ABCG1: variants seen among roughly 807,000 people sequenced by gnomAD.
ABCG1 encodes ATP binding cassette subfamily G member 1, also known as ATP-binding cassette sub-family G member 1.
Under a neutral mutation model 69.2 loss-of-function variants are expected in ABCG1, and 29 were observed. The observed-to-expected ratio is 0.42, with a 90% CI of 0.31 to 0.57. ABCG1 has a LOEUF of 0.57. ABCG1 is among the 20% of genes least tolerant of loss of function. The pLI, the probability that ABCG1 is intolerant of heterozygous loss-of-function variation, is 0.15. For synonymous variants in ABCG1, 370 were observed against 374.8 expected (o/e 0.99, Z 0.15); for missense variants, 718 against 898.1 (o/e 0.80, Z 2.56).
Position 42,273,273 on chromosome 21 carries a change from T to A in ABCG1, c.405-30T>A. The A allele has an allele frequency of 6.3e-7, 1 of 1,597,236 alleles. No individual in the cohort carries two copies. The highest frequency in any genetic ancestry group is 2.3e-5 in the East Asian group (1 of 44,378). Reference sequence around the variant, plus strand: ...GGTGGAGGAGGAGCAGGAGCCCGGCTGACGGCTTCTCCTGTCCTTGGTTCT... The same window carrying A: ...GGTGGAGGAGGAGCAGGAGCCCGGCAGACGGCTTCTCCTGTCCTTGGTTCT... On this transcript the variant is annotated intron_variant, in intron 3 of 14. Transcript: ENST00000398449. This position sits in a 1 kb window ranked among gnomAD's most constrained non-coding sequence, Gnocchi z 5.3.
chr21:42,211,271 T>G (rs956710615), upstream of ABCG1, among the ~76,000 whole-genome samples: 3 of 152,130 alleles, frequency 2.0e-5, no homozygotes, highest in East Asian at 5.8e-4. Context: ...GCATTCCCAT[T>G]TCTTTCAAAT....
intron 5 of ABCG1, among the ~76,000 whole-genome samples, chr21:42,279,126 C>T (rs1482850970): frequency 6.6e-6 from 1 of 152,072 alleles, no homozygotes; most frequent in Non-Finnish European, 1.5e-5. Flanking sequence ...TCTCGGATAG[C>T]CCTCCATCGA....
At chr21:42,208,305 C>G (rs2067559723) in intron 2 of ABCG1, among the ~76,000 whole-genome samples, 1 of 150,746 alleles carries the variant, frequency 6.6e-6, no homozygotes, top group Non-Finnish European at 1.5e-5. Flanking sequence ...ACATATGATG[C>G]AAAACAAAAA....
chr21:42,220,644 T>A (rs181193934), intron 1 of ABCG1, among the ~76,000 whole-genome samples: 2 of 152,372 alleles, frequency 1.3e-5, no homozygotes, highest in Admixed American at 1.3e-4. Context: ...TGGGCTGCCC[T>A]GCCTTCCCTG....
chr21:42,291,565 G>T lies in ABCG1; in HGVS notation c.1562G>T (p.Arg521Leu). ...WMTSQPSDAV[R>L]FVLFAALGTM... ...ACGTCGCAGCCGTCCGACGCCGTGCGCTTTGTGCTGTTTGCCGCGCTGGGC... is the reference window on the plus strand; with the variant it reads ...ACGTCGCAGCCGTCCGACGCCGTGCTCTTTGTGCTGTTTGCCGCGCTGGGC... The change falls in exon 13 of 15, where the codon CGC (arginine) becomes CTC (leucine). Residue 521 changes from arginine to leucine, a missense_variant. By Grantham distance (102) the Arg-to-Leu change is moderately radical. This residue lies in a region of ABCG1 where 204 missense variants were observed against 323.8 expected (regional missense o/e 0.63). Transcript: ENST00000398449. The surrounding 1 kb of genome is among the most constrained non-coding windows in gnomAD (Gnocchi z 6.4). 5 of 1,613,384 alleles carry T rather than the reference G, an allele frequency of 3.1e-6. No individual in the cohort carries two copies. Among genetic ancestry groups the T allele is most frequent in the Non-Finnish European group, 4.2e-6 (5 of 1,179,918 alleles).
intron 2 of ABCG1, among the ~76,000 whole-genome samples, chr21:42,243,905 G>C (rs1053754784): frequency 7.7e-6 from 1 of 129,872 alleles, no homozygotes; most frequent in African/African-American, 2.9e-5. Flanking sequence ...TGCAAGCTCC[G>C]CCTCCCGGGT....
upstream of ABCG1, among the ~76,000 whole-genome samples, chr21:42,218,886 C>T (rs569492828): frequency 2.5e-3 from 380 of 152,306 alleles, 3 homozygotes; most frequent in African/African-American, 8.6e-3. Context: ...CAGCCTCACC[C>T]GTGCTGGCCC....
chr21:42,243,687 G>A (rs1183553765), intron 2 of ABCG1, among the ~76,000 whole-genome samples: 1 of 152,126 alleles, frequency 6.6e-6, no homozygotes, highest in African/African-American at 2.4e-5. Flanking sequence ...CGTGAGAGTG[G>A]AGAGGTTTTT....
intron 1 of ABCG1, among the ~76,000 whole-genome samples, chr21:42,224,891 T>C (rs1375635874): frequency 6.6e-6 from 1 of 152,106 alleles, no homozygotes; most frequent in Non-Finnish European, 1.5e-5. Context: ...TAAAAGCCAA[T>C]GGTAGCTACA....
In ABCG1 at chr21:42,219,140, G is replaced by A; in HGVS notation, c.-123G>A. 6.4e-6 allele frequency: 6 copies of A among 932,610 alleles called. No individual in the cohort carries two copies. The South Asian group carries it at 2.5e-4, about 38-fold the overall frequency. 57.8% of individuals were successfully genotyped at this position (932,610 alleles called of 1,614,324 possible). On this transcript the variant is annotated 5_prime_UTR_variant, in exon 1 of 15. Coordinates refer to ENST00000398449, the MANE Select transcript of ABCG1 (RefSeq NM_016818.3). This position sits in a 1 kb window ranked among gnomAD's most constrained non-coding sequence, Gnocchi z 5.3. ...CCAGAGCCGGAGCCGGATCCCAGCC[G>A]GAGCCCAAGCGCAGCCCGCACCCCG... is the stretch of plus-strand genomic sequence containing the variant.
In ABCG1 at chr21:42,273,715, TG is replaced by T. The variant is rs2068659699; in HGVS notation, c.537+283del. ...GAGAAGGTTATTAACCCGGCTGGCT[TG>T]GGTGATCCTCTCCAGGGCAGCCACC... is the stretch of plus-strand genomic sequence containing the variant. On this transcript the variant is annotated intron_variant, in intron 4 of 14. Coordinates refer to ENST00000398449, the MANE Select transcript of ABCG1 (RefSeq NM_016818.3). The surrounding 1 kb of genome is among the most constrained non-coding windows in gnomAD (Gnocchi z 5.3). Among the ~76,000 whole-genome samples, 2 of 152,170 alleles carry T rather than the reference TG, an allele frequency of 1.3e-5. No individual in the cohort carries two copies. The highest frequency in any genetic ancestry group is 4.8e-5 in the African/African-American group (2 of 41,442).
Position 42,288,260 on chromosome 21 carries a change from C to T in ABCG1, c.1172C>T (p.Thr391Met), listed in dbSNP as rs139448062. ...GCHSFSASCL[T>M]QFCILFKRTF... The stretch of plus-strand genomic sequence containing the variant: ...CACAGCTTCTCTGCCAGCTGCCTCA[C>T]GCAGTTCTGCATCCTCTTCAAGAGG... Residue 391 changes from threonine to methionine, a missense_variant, in exon 10 of 15, where the codon ACG becomes ATG. Coordinates refer to ENST00000398449, the MANE Select transcript of ABCG1 (RefSeq NM_016818.3). This position sits in a 1 kb window ranked among gnomAD's most constrained non-coding sequence, Gnocchi z 4.8. The T allele has an allele frequency of 2.8e-5, 46 of 1,614,184 alleles. No individual in the cohort carries two copies. Among genetic ancestry groups the T allele is most frequent in the Non-Finnish European group, 3.5e-5 (41 of 1,180,020 alleles).
rs115605747 is a variant in ABCG1, at chr21:42,201,624, C to T, written c.-52C>T. On this transcript the variant is annotated 5_prime_UTR_variant, in exon 2 of 16. Transcript: ENST00000398457. ...CTTCCTGAGACCTAAGATTCAGCCC[C>T]GTGCTCAGCAGACATCAGGGATCAC... 4,726 of 1,576,638 alleles carry T rather than the reference C, an allele frequency of 3.0e-3. 98 individuals are homozygous for T. In the African/African-American group the frequency reaches 0.051, roughly 17 times the overall value.
chr21:42,255,930 G>A (rs753173280), intron 2 of ABCG1, among the ~76,000 whole-genome samples: 2 of 152,180 alleles, frequency 1.3e-5, no homozygotes, highest in Non-Finnish European at 2.9e-5. Context: ...GGGAACTTTT[G>A]TTATTGGACA....
chr21:42,230,360 C>A (rs932371894), intron 2 of ABCG1, among the ~76,000 whole-genome samples: 3 of 152,208 alleles, frequency 2.0e-5, no homozygotes, highest in African/African-American at 7.2e-5. Context: ...ACAGTAATTA[C>A]TCTCCCTCAA....
chr21:42,235,833 C>T (rs2067972042), intron 2 of ABCG1, among the ~76,000 whole-genome samples: 2 of 152,180 alleles, frequency 1.3e-5, no homozygotes, highest in African/African-American at 4.8e-5. Context: ...AGACGGACCG[C>T]CACTTCCCGT....
intron 1 of ABCG1, among the ~76,000 whole-genome samples, chr21:42,222,570 G>C (rs1389122285): frequency 2.0e-5 from 3 of 152,184 alleles, no homozygotes; most frequent in African/African-American, 7.2e-5. Context: ...TCTCAGAGCA[G>C]GGCCCCAGCC....
chr21:42,261,478 C>A (rs1443527236), intron 2 of ABCG1, among the ~76,000 whole-genome samples: 1 of 152,214 alleles, frequency 6.6e-6, no homozygotes, highest in Non-Finnish European at 1.5e-5. Flanking sequence ...CCATCGCAGA[C>A]TCCCTGGCCT....
upstream of ABCG1, among the ~76,000 whole-genome samples, chr21:42,213,978 AC>A (rs1363911552): frequency 6.6e-6 from 1 of 152,110 alleles, no homozygotes; most frequent in Non-Finnish European, 1.5e-5. Flanking sequence ...TGGGCTTTAG[AC>A]TTTTTATTTG....
Sources: gnomAD v4.1 joint callset for allele counts (sites outside exome capture counted in the v4.1 genomes callset) on GRCh38, gnomAD v4.1.1 for gene constraint, gnomAD v4.1.1 regional missense constraint, Gnocchi (gnomAD v3.1) non-coding constraint, MANE v1.5 for transcripts, NCBI Gene and HGNC (gene_info 2026-07-23, HGNC 2026-07-21) for gene names.